Variants in RP1 observed in about 807,000 individuals in gnomAD.
The protein encoded by RP1 is RP1 axonemal microtubule associated, also known as oxygen-regulated protein 1.
In RP1, 16 loss-of-function variants were observed where a neutral mutation model predicts 14.8. The observed-to-expected ratio is 1.08, with a 90% CI of 0.73 to 1.65. The LOEUF (loss-of-function observed/expected upper bound fraction) is 1.65. RP1 is among the 40% of genes most tolerant of loss of function. RP1 has a pLI of 0.00. For missense variants in RP1, 2,631 were observed against 2,535.0 expected, an observed-to-expected ratio of 1.04 and a Z score of -0.81; for synonymous variants, 876 against 883.6, an observed-to-expected ratio of 0.99 and a Z score of 0.15.
At chr8:54,732,299 G>T (rs1010375897) in intron 17 of RP1, among the ~76,000 whole-genome samples, 1 of 151,966 alleles carries the variant, frequency 6.6e-6, no homozygotes, top group Non-Finnish European at 1.5e-5. Context: ...CCTGCCCTCC[G>T]CTACACCTGA....
At chr8:54,703,822 C>T (rs1378347241) in intron 14 of RP1, among the ~76,000 whole-genome samples, 1 of 152,172 alleles carries the variant, frequency 6.6e-6, no homozygotes, top group East Asian at 1.9e-4. Context: ...TGCTGCTTTA[C>T]CTTGCACTGT....
intron 24 of RP1, among the ~76,000 whole-genome samples, chr8:54,837,078 T>C (rs1811675429): frequency 6.6e-6 from 1 of 152,164 alleles, no homozygotes; most frequent in Non-Finnish European, 1.5e-5. Flanking sequence ...GATCTCACTG[T>C]AATGGGAAAA....
chr8:54,605,482 G>C (rs949625907), intron 1 of RP1, among the ~76,000 whole-genome samples: 3 of 152,098 alleles, frequency 2.0e-5, no homozygotes, highest in Non-Finnish European at 4.4e-5. Flanking sequence ...TTTGGAATAG[G>C]TGTAGTGTGG....
intron 12 of RP1, among the ~76,000 whole-genome samples, chr8:54,680,667 T>C (rs952849050): frequency 6.6e-6 from 1 of 152,078 alleles, no homozygotes; most frequent in Non-Finnish European, 1.5e-5. Flanking sequence ...TGTATGAAAA[T>C]AAATGTCTGG....
At chr8:54,805,544 G>T (rs1810827632) in intron 24 of RP1, among the ~76,000 whole-genome samples, 1 of 152,114 alleles carries the variant, frequency 6.6e-6, no homozygotes, top group Non-Finnish European at 1.5e-5. Context: ...TATACCCTGT[G>T]AATTTGTGCC....
intron 25 of RP1, among the ~76,000 whole-genome samples, chr8:54,843,555 G>T (rs1018083025): frequency 2.0e-5 from 3 of 152,150 alleles, no homozygotes. Context: ...CTGTTCCTGA[G>T]ATCTGATTTT....
intron 27 of RP1, among the ~76,000 whole-genome samples, chr8:54,861,002 G>A (rs1812330123): frequency 6.6e-6 from 1 of 152,118 alleles, no homozygotes; most frequent in East Asian, 1.9e-4. Context: ...ACTCAGTTAA[G>A]GAACCCAGTT....
At chr8:54,743,577 A>T (rs1585654072) in intron 19 of RP1, among the ~76,000 whole-genome samples, 1 of 152,140 alleles carries the variant, frequency 6.6e-6, no homozygotes, top group Admixed American at 6.5e-5. Context: ...TTATTAACAT[A>T]ATTTACTTTG....
At chr8:54,768,369 A>G (rs1435613779) in intron 22 of RP1, among the ~76,000 whole-genome samples, 1 of 152,254 alleles carries the variant, frequency 6.6e-6, no homozygotes, top group African/African-American at 2.4e-5. Flanking sequence ...TGTTACATTT[A>G]TATCTTTACA....
At chr8:54,702,998 T>C (rs1481923211) in intron 14 of RP1, among the ~76,000 whole-genome samples, 2 of 152,242 alleles carry the variant, frequency 1.3e-5, no homozygotes, top group East Asian at 3.8e-4. Context: ...CTTTGCTATT[T>C]CTACCACATC....
intron 24 of RP1, among the ~76,000 whole-genome samples, chr8:54,789,004 T>C (rs569531678): frequency 6.6e-6 from 1 of 152,310 alleles, no homozygotes; most frequent in East Asian, 1.9e-4. Flanking sequence ...CAGCTAGTCC[T>C]AGATGGACAT....
chr8:54,569,317 T>G (rs192033066), intron 1 of RP1, among the ~76,000 whole-genome samples: 38 of 152,334 alleles, frequency 2.5e-4, no homozygotes, highest in African/African-American at 8.4e-4. Flanking sequence ...GCTTTCTCAA[T>G]TGTAGATAAA....
intron 8 of RP1, among the ~76,000 whole-genome samples, chr8:54,674,331 G>T (rs2129333400): frequency 6.6e-6 from 1 of 152,152 alleles, no homozygotes; most frequent in Non-Finnish European, 1.5e-5. Context: ...AGACTGTCCT[G>T]GCAGTGAGGT....
intron 1 of RP1, among the ~76,000 whole-genome samples, chr8:54,601,764 T>C (rs1179252360): frequency 6.6e-6 from 1 of 152,112 alleles, no homozygotes; most frequent in Non-Finnish European, 1.5e-5. Flanking sequence ...AGGAATAAAG[T>C]ACTAATATAT....
intron 24 of RP1, among the ~76,000 whole-genome samples, chr8:54,806,972 A>G (rs1293148946): frequency 6.6e-6 from 1 of 152,244 alleles, no homozygotes; most frequent in Non-Finnish European, 1.5e-5. Context: ...GATTTCTAAA[A>G]GAAAAATTGA....
At chr8:54,789,932 A>T (rs1450919180) in intron 24 of RP1, among the ~76,000 whole-genome samples, 4 of 152,212 alleles carry the variant, frequency 2.6e-5, no homozygotes, top group African/African-American at 9.6e-5. Context: ...TGCAGAGCTC[A>T]GCCTGCATGA....
chr8:54,767,849 A>G (rs914332904), intron 22 of RP1, among the ~76,000 whole-genome samples: 4 of 152,244 alleles, frequency 2.6e-5, no homozygotes, highest in African/African-American at 9.6e-5. Context: ...ATTAGGCTCC[A>G]GAGGAGGAAA....
At chr8:54,755,706 G>A (rs183344892) in exon 21 of RP1, 3 of 1,535,712 alleles carry the variant, frequency 2.0e-6, no homozygotes, top group African/African-American at 2.7e-5. Context: ...TTTGGGGAGA[G>A]GGGAGACTCT....
intron 26 of RP1, among the ~76,000 whole-genome samples, chr8:54,853,650 A>T (rs999760535): frequency 6.6e-5 from 10 of 152,042 alleles, no homozygotes; most frequent in African/African-American, 2.4e-4. Context: ...TTGGAAAAAA[A>T]TTTAAAACAT....
Sources: gnomAD v4.1 joint callset for allele counts (sites outside exome capture counted in the v4.1 genomes callset) on GRCh38, gnomAD v4.1.1 for gene constraint, MANE v1.5 for transcripts, NCBI Gene and HGNC (gene_info 2026-07-23, HGNC 2026-07-21) for gene names.